Variants in ACBD3 observed in about 807,000 individuals in gnomAD.
ACBD3 encodes acyl-CoA binding domain containing 3.
In ACBD3, 30 loss-of-function variants were observed where a neutral mutation model predicts 66.9. The ratio of observed to expected loss-of-function variants is 0.45; its 90% CI spans 0.34 to 0.61. The LOEUF (loss-of-function observed/expected upper bound fraction) is 0.61. Among genes scored for constraint, ACBD3 ranks in the 20% least tolerant of loss-of-function variants. The pLI is 0.02. For missense variants in ACBD3, 544 were observed against 664.5 expected, an observed-to-expected ratio of 0.82 and a Z score of 1.99; for synonymous variants, 278 against 259.8, an observed-to-expected ratio of 1.07 and a Z score of -0.68.
rs79973374 is a variant in ACBD3 at position 226,158,675 on chromosome 1, G to C, written c.903+509C>G. ...TCTCCTATGTGGAAGCAAAATACTT[G>C]GGGGCAGGCAGTTGGAGGAGGAATA... On this transcript the variant is annotated intron_variant, in intron 5 of 7. Coordinates refer to ENST00000366812, the MANE Select transcript of ACBD3 (RefSeq NM_022735.4). Among the ~76,000 whole-genome samples the C allele has an allele frequency of 0.014, 2,066 of 152,316 alleles. 117 individuals are homozygous for C. In the East Asian group the frequency reaches 0.19, roughly 14 times the overall value.
chr1:226,166,091 G>A (rs1043501446), intron 1 of ACBD3, 91 bp from the exon 2 acceptor site: 2 of 1,345,316 alleles, frequency 1.5e-6, no homozygotes, highest in African/African-American at 3.0e-5. Context: ...TACAAAGCAT[G>A]TCACAAACTG....
At chr1:226,167,267 T>C (rs1365709411) in intron 1 of ACBD3, among the ~76,000 whole-genome samples, 1 of 152,198 alleles carries the variant, frequency 6.6e-6, no homozygotes. Context: ...TAGTATAATG[T>C]GGTGGAAAAG....
At chr1:226,173,730 A>G (rs1194334803) in intron 1 of ACBD3, among the ~76,000 whole-genome samples, 4 of 151,186 alleles carry the variant, frequency 2.6e-5, no homozygotes, top group African/African-American at 9.7e-5. Context: ...ATCAGGTGAG[A>G]ATAATTTTCT....
At chr1:226,158,297 T>C (rs1659711375) in intron 5 of ACBD3, among the ~76,000 whole-genome samples, 1 of 152,210 alleles carries the variant, frequency 6.6e-6, no homozygotes, top group African/African-American at 2.4e-5. Flanking sequence ...TTTTGACAGG[T>C]GGTAACTGCT....
At chr1:226,165,689 T>C (rs534406005) in intron 2 of ACBD3, among the ~76,000 whole-genome samples, 170 bp downstream of exon 2, 1 of 152,254 alleles carries the variant, frequency 6.6e-6, no homozygotes, top group East Asian at 1.9e-4. Context: ...ACCATAAACA[T>C]CTCTAAGCTA....
At chr1:226,183,883 TAAAAAAAAAA>T (rs56294022) in intron 1 of ACBD3, among the ~76,000 whole-genome samples, 2 of 72,762 alleles carry the variant, frequency 2.7e-5, no homozygotes, top group African/African-American at 1.3e-4. Context: ...AAACTCTGCC[TAAAAAAAAAA>T]AAAAAAAAAA....
chr1:226,157,742 A>G (rs1192252556), intron 5 of ACBD3, among the ~76,000 whole-genome samples: 4 of 151,476 alleles, frequency 2.6e-5, no homozygotes, highest in Non-Finnish European at 3.0e-5. Flanking sequence ...GGGTCTCCCT[A>G]TGTTGCCCAG....
At chr1:226,181,704 T>C (rs941219709) in intron 1 of ACBD3, among the ~76,000 whole-genome samples, 3 of 152,196 alleles carry the variant, frequency 2.0e-5, no homozygotes, top group Non-Finnish European at 4.4e-5. Context: ...TTGACAATTA[T>C]TACTCTGAAA....
chr1:226,157,034 A>C (rs1430763592), intron 5 of ACBD3, among the ~76,000 whole-genome samples: 1 of 152,144 alleles, frequency 6.6e-6, no homozygotes, highest in Non-Finnish European at 1.5e-5. Context: ...AAAGCACAGA[A>C]AGGTATAAAA....
chr1:226,184,274 CCTTTT>C (rs1370584019), intron 1 of ACBD3, among the ~76,000 whole-genome samples: 1 of 152,324 alleles, frequency 6.6e-6, no homozygotes, highest in Non-Finnish European at 1.5e-5. Context: ...TACATCCTTC[CCTTTT>C]GTCAGTTAGT....
rs545745021 is a variant in ACBD3, at chr1:226,169,310, C to T, written c.287-3310G>A. Among the ~76,000 whole-genome samples the T allele has an allele frequency of 3.3e-5, 5 of 151,952 alleles. No individual in the cohort carries two copies. In the East Asian group the frequency reaches 7.8e-4, roughly 24 times the overall value. On this transcript the variant is annotated intron_variant, in intron 1 of 7. Coordinates refer to ENST00000366812, the MANE Select transcript of ACBD3 (RefSeq NM_022735.4). ...TCACCCAGGCTGGAGTGCCGTGGTGCGATCTCGGCTCACTGCAAGCTCTGC... is the reference window on the plus strand; with the variant it reads ...TCACCCAGGCTGGAGTGCCGTGGTGTGATCTCGGCTCACTGCAAGCTCTGC...
In ACBD3 at chr1:226,184,954, C is replaced by CAA. The variant is rs56165469; in HGVS notation, c.286+1434_286+1435dup. On this transcript the variant is annotated intron_variant, in intron 1 of 7. Transcript: ENST00000366812. ...CCTGCAACAGAGCAGGACTCCAGCT[C>CAA]AAAAAAAAAAAAAAAAAGGAATTAG... 5.4e-4 allele frequency among the ~76,000 whole-genome samples: 49 copies of CAA among 91,148 alleles called. 1 individual carries two copies. Among genetic ancestry groups the CAA allele is most frequent in the African/African-American group, 1.6e-3 (37 of 23,346 alleles). The allele number at this position is 91,148 out of a possible 152,430, so 59.8% of individuals were successfully genotyped here.
chr1:226,160,043 T>C (rs550606262), intron 4 of ACBD3, among the ~76,000 whole-genome samples: 1 of 152,076 alleles, frequency 6.6e-6, no homozygotes, highest in South Asian at 2.1e-4. Context: ...TATCTTGGCA[T>C]GCTTAGTTTA....
chr1:226,167,993 T>G (rs928503417), intron 1 of ACBD3, among the ~76,000 whole-genome samples: 1 of 152,188 alleles, frequency 6.6e-6, no homozygotes, highest in African/African-American at 2.4e-5. Flanking sequence ...CTGTTATAGT[T>G]ACCTTGAAGG....
chr1:226,176,119 G>C lies in ACBD3; in HGVS notation c.287-10119C>G, dbSNP rs1558130858. Among the ~76,000 whole-genome samples the C allele has an allele frequency of 3.3e-5, 5 of 152,178 alleles. No homozygotes were observed. The South Asian group carries it at 8.3e-4, about 25-fold the overall frequency. ...AGAGGCTATGGTGGCTCTGAAGATG[G>C]AGGAAGGGGCATAAACAAAAGCTTG... is the stretch of plus-strand genomic sequence containing the variant. On this transcript the variant is annotated intron_variant, in intron 1 of 7. Transcript: ENST00000366812.
At chr1:226,169,056 T>C (rs1449765231) in intron 1 of ACBD3, among the ~76,000 whole-genome samples, 1 of 151,886 alleles carries the variant, frequency 6.6e-6, no homozygotes, top group Non-Finnish European at 1.5e-5. Flanking sequence ...AGAGATGGGG[T>C]TTCACCATGT....
intron 1 of ACBD3, among the ~76,000 whole-genome samples, chr1:226,182,662 C>CA (rs1025717059): frequency 2.0e-5 from 3 of 152,110 alleles, no homozygotes; most frequent in Non-Finnish European, 2.9e-5. Context: ...GAATTGAACT[C>CA]AGTTACCTTC....
intron 3 of ACBD3, among the ~76,000 whole-genome samples, chr1:226,163,394 T>C (rs1313295949): frequency 1.3e-5 from 2 of 152,178 alleles, no homozygotes; most frequent in African/African-American, 4.8e-5. Context: ...TAGCGATACC[T>C]GATTGATCCA....
chr1:226,157,817 A>G (rs1659704005), intron 5 of ACBD3, among the ~76,000 whole-genome samples: 2 of 152,206 alleles, frequency 1.3e-5, no homozygotes, highest in African/African-American at 4.8e-5. Context: ...TGCTGGGATT[A>G]AAGGCATGAG....
Sources: gnomAD v4.1 joint callset for allele counts (sites outside exome capture counted in the v4.1 genomes callset) on GRCh38, gnomAD v4.1.1 for gene constraint, MANE v1.5 for transcripts, NCBI Gene and HGNC (gene_info 2026-07-23, HGNC 2026-07-21) for gene names.